The following MTREX variants were observed in gnomAD, a reference collection of about 807,000 sequenced individuals.
The protein encoded by MTREX is exosome RNA helicase MTR4.
MTREX carries 76 observed loss-of-function variants against 135.4 expected under a neutral mutation model. The observed-to-expected ratio is 0.56, with a 90% CI of 0.47 to 0.68. The LOEUF (loss-of-function observed/expected upper bound fraction) is 0.68, where lower values mean the gene tolerates loss of function less well. Among genes scored for constraint, MTREX ranks in the 30% least tolerant of loss-of-function variants. The probability of loss-of-function intolerance (pLI) is 0.00; values close to 1 mark genes in which losing one functional copy is unlikely to be tolerated. For missense variants in MTREX, 920 were observed against 1,262.1 expected (o/e 0.73, Z 4.11); for synonymous variants, 404 against 401.6 (o/e 1.01, Z -0.07).
At chr5:55,369,637 A>G (rs1462479820) in intron 16 of MTREX, among the ~76,000 whole-genome samples, 1 of 152,196 alleles carries the variant, frequency 6.6e-6, no homozygotes, top group Non-Finnish European at 1.5e-5. Context: ...CTGCTCACTC[A>G]ATGAACTTAA....
At chr5:55,352,207 A>T (rs1405380853) in intron 13 of MTREX, among the ~76,000 whole-genome samples, 1 of 152,066 alleles carries the variant, frequency 6.6e-6, no homozygotes, top group East Asian at 1.9e-4. Context: ...AATTATTAGA[A>T]TTTTAAAAAT....
chr5:55,387,455 T>C (rs367648817), intron 18 of MTREX, among the ~76,000 whole-genome samples: 1 of 152,082 alleles, frequency 6.6e-6, no homozygotes, highest in South Asian at 2.1e-4. Flanking sequence ...TCTTCTGTTA[T>C]TGCTTCAAAG....
At chr5:55,321,806 G>C (rs1370979410) in intron 1 of MTREX, among the ~76,000 whole-genome samples, 1 of 151,788 alleles carries the variant, frequency 6.6e-6, no homozygotes, top group Non-Finnish European at 1.5e-5. Flanking sequence ...ATGGGATTTT[G>C]CCATGCTGTC....
chr5:55,326,023 G>A (rs1005365056), intron 3 of MTREX, among the ~76,000 whole-genome samples: 2 of 152,172 alleles, frequency 1.3e-5, no homozygotes, highest in Admixed American at 1.3e-4. Flanking sequence ...AGTACATAGT[G>A]TCTGACAGGT....
chr5:55,391,491 C>T (rs1017131286), intron 19 of MTREX, among the ~76,000 whole-genome samples: 1 of 152,114 alleles, frequency 6.6e-6, no homozygotes, highest in Non-Finnish European at 1.5e-5. Context: ...TAGAGTTGAG[C>T]TTGTTTTATT....
chr5:55,315,537 A>G (rs1251853388), intron 1 of MTREX, among the ~76,000 whole-genome samples: 1 of 151,870 alleles, frequency 6.6e-6, no homozygotes, highest in Non-Finnish European at 1.5e-5. Flanking sequence ...ATTTTTCGAG[A>G]CAGACAACAA....
intron 25 of MTREX, among the ~76,000 whole-genome samples, chr5:55,421,850 T>G (rs2111634284): frequency 6.6e-6 from 1 of 152,322 alleles, no homozygotes; most frequent in South Asian, 2.1e-4. Flanking sequence ...TATACTTGTT[T>G]GCATAAACAT....
chr5:55,325,514 T>A (rs766466471), intron 3 of MTREX, among the ~76,000 whole-genome samples: 52 of 149,836 alleles, frequency 3.5e-4, no homozygotes, highest in Non-Finnish European at 8.9e-5. Flanking sequence ...TTTTTTTAAT[T>A]TTTTTTTTTA....
chr5:55,393,742 C>G (rs1750604777), intron 19 of MTREX, among the ~76,000 whole-genome samples: 1 of 152,158 alleles, frequency 6.6e-6, no homozygotes, highest in African/African-American at 2.4e-5. Flanking sequence ...AACCTGAATT[C>G]TGAGTTATAT....
chr5:55,424,058 T>G (rs908845979), intron 26 of MTREX: 2 of 152,236 alleles, frequency 1.3e-5, no homozygotes, highest in African/African-American at 4.8e-5. Flanking sequence ...CTGATATAGG[T>G]TGAAAATCCA....
intron 18 of MTREX, among the ~76,000 whole-genome samples, chr5:55,384,323 T>C (rs906328382): frequency 2.0e-5 from 3 of 152,248 alleles, no homozygotes; most frequent in African/African-American, 7.2e-5. Flanking sequence ...CTTCGGTAAA[T>C]AGACTTTGAA....
chr5:55,422,257 A>G (rs1751066689), intron 25 of MTREX, among the ~76,000 whole-genome samples: 1 of 149,230 alleles, frequency 6.7e-6, no homozygotes, highest in African/African-American at 2.6e-5. Flanking sequence ...ACTTTTCTCA[A>G]ACAGATTCTA....
At chr5:55,401,013 T>TTGTGTGTG (rs1286800810) in intron 21 of MTREX, among the ~76,000 whole-genome samples, 2 of 152,122 alleles carry the variant, frequency 1.3e-5, no homozygotes, top group Non-Finnish European at 2.9e-5. Context: ...AGGCCAAATC[T>TTGTGTGTG]TGTGTGTGTG....
chr5:55,412,007 T>A (rs1461092324), intron 23 of MTREX, among the ~76,000 whole-genome samples: 2 of 152,070 alleles, frequency 1.3e-5, no homozygotes, highest in Non-Finnish European at 2.9e-5. Context: ...CCAATTATAT[T>A]CCCTCTTCAA....
At chr5:55,404,953 G>A (rs1043838553) in intron 21 of MTREX, among the ~76,000 whole-genome samples, 2 of 151,646 alleles carry the variant, frequency 1.3e-5, no homozygotes, top group South Asian at 2.1e-4. Flanking sequence ...ACAGGCATGC[G>A]CCCGCCACCA....
At chr5:55,387,548 A>G (rs1274272103) in intron 18 of MTREX, among the ~76,000 whole-genome samples, 1 of 152,114 alleles carries the variant, frequency 6.6e-6, no homozygotes, top group African/African-American at 2.4e-5. Context: ...TAGTTTTATT[A>G]CAGAATATTA....
chr5:55,339,395 C>T (rs1749606533), intron 5 of MTREX, among the ~76,000 whole-genome samples: 1 of 152,088 alleles, frequency 6.6e-6, no homozygotes, highest in Admixed American at 6.5e-5. Context: ...TTATAATAAG[C>T]CTATTCTGGG....
intron 22 of MTREX, among the ~76,000 whole-genome samples, chr5:55,408,354 C>G (rs1024286693): frequency 6.6e-6 from 1 of 152,158 alleles, no homozygotes; most frequent in African/African-American, 2.4e-5. Flanking sequence ...TTAGAGCACT[C>G]TGTTAAACCA....
chr5:55,319,838 A>C (rs1049577855), intron 1 of MTREX, among the ~76,000 whole-genome samples: 1 of 152,222 alleles, frequency 6.6e-6, no homozygotes, highest in East Asian at 1.9e-4. Flanking sequence ...CATGAATTTC[A>C]GTTTCTCAAA....
Sources: gnomAD v4.1 joint callset for allele counts (sites outside exome capture counted in the v4.1 genomes callset) on GRCh38, gnomAD v4.1.1 for gene constraint, MANE v1.5 for transcripts, NCBI Gene and HGNC (gene_info 2026-07-23, HGNC 2026-07-21) for gene names.